The following FCRL2 variants were observed in gnomAD, a reference collection of about 807,000 sequenced individuals.
FCRL2 encodes Fc receptor-like protein 2.
FCRL2 carries 48 observed loss-of-function variants against 59.8 expected under a neutral mutation model. The observed-to-expected ratio is 0.80, with a 90% CI of 0.64 to 1.02. FCRL2 has a LOEUF of 1.02. Ranked by LOEUF, FCRL2 falls within the 50% of genes least tolerant of loss-of-function variation. The pLI, the probability that FCRL2 is intolerant of heterozygous loss-of-function variation, is 0.00. For synonymous variants in FCRL2, 251 were observed against 229.5 expected, an observed-to-expected ratio of 1.09 and a Z score of -0.85; for missense variants, 658 against 597.3, an observed-to-expected ratio of 1.10 and a Z score of -1.06.
chr1:157,768,563 C>A lies in FCRL2; in HGVS notation c.734G>T (p.Gly245Val). The change falls in exon 5 of 12, where the codon GGA becomes GTA. Residue 245 changes from glycine (G) to valine (V), a missense_variant. Coordinates refer to ENST00000361516, the MANE Select transcript of FCRL2 (RefSeq NM_030764.4). ...CTGGGTTTTCTTTCCCATACTGGTT[C>A]CTGTGGCCTCTCTGTACCAGGAGAA... The part of the protein sequence containing the change: ...VTFSWYREAT[G>V]TSMGKKTQRS... 1 of 1,614,234 alleles carries A rather than the reference C, an allele frequency of 6.2e-7. No homozygotes were observed. The highest frequency in any genetic ancestry group is 8.5e-7 in the Non-Finnish European group (1 of 1,180,044).
chr1:157,762,944 G>A lies in FCRL2; in HGVS notation c.1279+3911C>T. 1.3e-5 allele frequency among the ~76,000 whole-genome samples: 2 copies of A among 152,206 alleles called. 1 individual carries two copies. Among genetic ancestry groups the A allele is most frequent in the South Asian group, 4.1e-4 (2 of 4,834 alleles). Reference sequence around the variant, plus strand: ...AGCCCTGTAAGAAATGCTCAAGGGAGTCCTAAGCCTGAAAGCGAAAGGACA... The same window carrying A: ...AGCCCTGTAAGAAATGCTCAAGGGAATCCTAAGCCTGAAAGCGAAAGGACA... On this transcript the variant is annotated intron_variant, in intron 7 of 11. Transcript: ENST00000361516.
chr1:157,769,264 C>G, intron 4 of FCRL2: 1 of 156,252 alleles, frequency 6.4e-6, no homozygotes, highest in Admixed American at 6.2e-5. Flanking sequence ...TTTGAAGTGT[C>G]CCACCCACTA....
chr1:157,771,851 A>G (rs916103665), intron 2 of FCRL2, among the ~76,000 whole-genome samples: 3 of 152,150 alleles, frequency 2.0e-5, no homozygotes, highest in Non-Finnish European at 4.4e-5. Context: ...AGAAGGAAGC[A>G]GAAGTCAATA....
chr1:157,768,279 G>A (rs1416021368), intron 5 of FCRL2, 135 bp downstream of exon 5: 5 of 820,378 alleles, frequency 6.1e-6, no homozygotes, highest in East Asian at 5.1e-5. Flanking sequence ...ACCTGCAAGC[G>A]TAACCCATTT....
At chr1:157,754,835 G>C (rs1648464358) in intron 7 of FCRL2, among the ~76,000 whole-genome samples, 1 of 151,828 alleles carries the variant, frequency 6.6e-6, no homozygotes, top group African/African-American at 2.4e-5. Context: ...TCACGGCGGT[G>C]CATGCCTGTG....
At position 157,768,403 on chromosome 1, in the gene FCRL2, G is replaced by A. The variant is rs372299671; in HGVS notation, c.883+11C>T. 1 of 1,609,460 alleles carries A rather than the reference G, an allele frequency of 6.2e-7. No individual in the cohort carries two copies. The highest frequency in any genetic ancestry group is 1.3e-5 in the African/African-American group (1 of 74,990). ...GAATTTCTGGAAGATATGAATGAGA[G>A]TGTCACTCACTTCTCACAGGGATAT... On this transcript the variant is annotated intron_variant, in intron 5 of 11. Transcript: ENST00000361516.
intron 7 of FCRL2, among the ~76,000 whole-genome samples, chr1:157,756,534 G>T (rs1170113306): frequency 6.6e-6 from 1 of 152,068 alleles, no homozygotes; most frequent in East Asian, 1.9e-4. Context: ...TAAAAAATTA[G>T]CAAGGCATGG....
chr1:157,766,997 C>T, intron 6 of FCRL2, 26 bp from the exon 7 acceptor site: 1 of 1,592,104 alleles, frequency 6.3e-7, no homozygotes, highest in Non-Finnish European at 8.6e-7. Flanking sequence ...AGTGCTTCAG[C>T]CCCAGAGGTT....
intron 5 of FCRL2, 25 bp downstream of exon 5, chr1:157,768,389 A>G (rs1403600260): frequency 6.2e-6 from 10 of 1,600,684 alleles, no homozygotes; most frequent in Non-Finnish European, 8.5e-6. Flanking sequence ...AATTTCTGGA[A>G]GATATGAATG....
chr1:157,766,379 G>A (rs1266987395), intron 7 of FCRL2, among the ~76,000 whole-genome samples: 1 of 152,046 alleles, frequency 6.6e-6, no homozygotes, highest in East Asian at 1.9e-4. Flanking sequence ...GTTGAGGCAG[G>A]AGAATGGTGT....
At position 157,751,064 on chromosome 1, in the gene FCRL2, T is replaced by C. The variant is rs76609198; in HGVS notation, c.1280-1387A>G. Among the ~76,000 whole-genome samples, 649 of 152,280 alleles carry C rather than the reference T, an allele frequency of 4.3e-3. 3 individuals carry two copies. The highest frequency in any genetic ancestry group is 0.013 in the African/African-American group (537 of 41,566). ...CAAGTCTTAAGCAACTGAATACGTATACAAATATATAAGAAAAAAAGGAAG... is the reference window on the plus strand; with the variant it reads ...CAAGTCTTAAGCAACTGAATACGTACACAAATATATAAGAAAAAAAGGAAG... On this transcript the variant is annotated intron_variant, in intron 7 of 11. Coordinates refer to ENST00000361516, the MANE Select transcript of FCRL2 (RefSeq NM_030764.4).
intron 7 of FCRL2, among the ~76,000 whole-genome samples, chr1:157,760,840 T>A (rs1399732736): frequency 6.7e-6 from 1 of 149,882 alleles, no homozygotes. Context: ...GGCTGCCTAT[T>A]TGGTATCATG....
intron 4 of FCRL2, chr1:157,769,391 A>G (rs1649797347): frequency 6.2e-6 from 1 of 160,406 alleles, no homozygotes; most frequent in African/African-American, 2.4e-5. Context: ...ATTCTTATGA[A>G]GTAGGAAGCC....
chr1:157,774,537 TGAA>T, intron 2 of FCRL2: 1 of 450,802 alleles, frequency 2.2e-6, no homozygotes, highest in Non-Finnish European at 4.5e-6. Context: ...AGAAAGAGAA[TGAA>T]GTGGCTGTTG....
Position 157,768,548 on chromosome 1 carries a change from TTTCCCATACTGG to T in FCRL2, c.737_748del (p.Thr246_Gly249del), listed in dbSNP as rs1649711851. On this transcript the variant is annotated inframe_deletion, in exon 5 of 12. Coordinates refer to ENST00000361516, the MANE Select transcript of FCRL2 (RefSeq NM_030764.4). ...TGCTGACAGGGAACGCTGGGTTTTC[TTTCCCATACTGG>T]TTCCTGTGGCCTCTCTGTACCAGGA... 4 of 1,614,246 alleles carry T rather than the reference TTTCCCATACTGG, an allele frequency of 2.5e-6. No homozygotes were observed. The highest frequency in any genetic ancestry group is 1.3e-5 in the African/African-American group (1 of 75,060).
chr1:157,754,552 C>T (rs182954664), intron 7 of FCRL2, among the ~76,000 whole-genome samples: 31 of 152,162 alleles, frequency 2.0e-4, no homozygotes, highest in Admixed American at 1.4e-3. Flanking sequence ...GGTATGGACT[C>T]GTCCTGAATT....
rs1244056271 is a variant in FCRL2, at chr1:157,770,163, A to G, written c.311-13T>C. On this transcript the variant is annotated splice_polypyrimidine_tract_variant and intron_variant, in intron 3 of 11. Transcript: ENST00000361516. Reference sequence around the variant, plus strand: ...CGTTGAAAGAGCTCTAGAGAGAAGGATCACAATAGTCCCCAAAGCAGTGAC... The same window carrying G: ...CGTTGAAAGAGCTCTAGAGAGAAGGGTCACAATAGTCCCCAAAGCAGTGAC... The G allele has an allele frequency of 6.2e-7, 1 of 1,609,810 alleles. No individual in the cohort carries two copies. Among genetic ancestry groups the G allele is most frequent in the Admixed American group, 1.7e-5 (1 of 59,934 alleles).
rs982376543 is a variant in FCRL2 at position 157,746,567 on chromosome 1, A to G, written c.*169T>C. ...TCAATGAATATTGATAGGTAAAAGA[A>G]GATATTGGAGAAGAAACATCATCAG... On this transcript the variant is annotated 3_prime_UTR_variant, in exon 12 of 12. Transcript: ENST00000361516. 1 of 623,358 alleles carries G rather than the reference A, an allele frequency of 1.6e-6. No individual in the cohort carries two copies. Among genetic ancestry groups the G allele is most frequent in the African/African-American group, 1.8e-5 (1 of 54,156 alleles). 38.6% of individuals were successfully genotyped at this position (623,358 alleles called of 1,614,324 possible).
At chr1:157,772,356 C>T (rs1557871137) in intron 2 of FCRL2, among the ~76,000 whole-genome samples, 1 of 152,124 alleles carries the variant, frequency 6.6e-6, no homozygotes, top group African/African-American at 2.4e-5. Context: ...TATTCATATC[C>T]TCACACTGCA....
Sources: gnomAD v4.1 joint callset for allele counts (sites outside exome capture counted in the v4.1 genomes callset) on GRCh38, gnomAD v4.1.1 for gene constraint, MANE v1.5 for transcripts, NCBI Gene and HGNC (gene_info 2026-07-23, HGNC 2026-07-21) for gene names.